Variants in MLLT1 observed in about 807,000 individuals in gnomAD.
MLLT1 encodes protein ENL.
A neutral mutation model predicts 55.1 loss-of-function variants in MLLT1; 11 were observed. That is an observed-to-expected ratio of 0.20 (90% confidence interval 0.13 to 0.33). The LOEUF (loss-of-function observed/expected upper bound fraction) is 0.33, where lower values mean the gene tolerates loss of function less well. MLLT1 is among the 10% of genes least tolerant of loss of function. The pLI is 1.00. For missense variants in MLLT1, 536 were observed against 760.6 expected, an observed-to-expected ratio of 0.70 and a Z score of 3.47; for synonymous variants, 323 against 320.1, an observed-to-expected ratio of 1.01 and a Z score of -0.10.
chr19:6,273,372 C>T lies in MLLT1; in HGVS notation c.13-2613G>A, dbSNP rs1180744355. 1.3e-5 allele frequency among the ~76,000 whole-genome samples: 2 copies of T among 152,132 alleles called. No homozygotes were observed. Among genetic ancestry groups the T allele is most frequent in the Non-Finnish European group, 1.5e-5 (1 of 68,022 alleles). On this transcript the variant is annotated intron_variant, in intron 1 of 11. Transcript: ENST00000252674. This position sits in a 1 kb window ranked among gnomAD's most constrained non-coding sequence, Gnocchi z 4.3. ...AAGATCCGGGCAGCAGGGACATTCA[C>T]GACCCCAGTGTGGGAAGAAAGTGGG...
chr19:6,220,387 T>C (rs946034887), intron 6 of MLLT1, among the ~76,000 whole-genome samples: 34 of 152,218 alleles, frequency 2.2e-4, no homozygotes, highest in African/African-American at 7.7e-4. Context: ...TAAGCCGCAT[T>C]GCTCAAAAGC....
chr19:6,273,265 G>T lies in MLLT1; in HGVS notation c.13-2506C>A, dbSNP rs2091408643. On this transcript the variant is annotated intron_variant, in intron 1 of 11. Transcript: ENST00000252674. The surrounding 1 kb of genome is among the most constrained non-coding windows in gnomAD (Gnocchi z 4.3). ...CAGCCCATGAGGAGGCAACCAGAAG[G>T]AGTGGCTGGAAAAAGGGGTGAACAC... 6.6e-6 allele frequency among the ~76,000 whole-genome samples: 1 copy of T among 152,108 alleles called. No homozygotes were observed. Among genetic ancestry groups the T allele is most frequent in the African/African-American group, 2.4e-5 (1 of 41,402 alleles).
Position 6,226,837 on chromosome 19 carries a change from G to A in MLLT1, c.546+140C>T. 6 of 556,368 alleles carry A rather than the reference G, an allele frequency of 1.1e-5. No homozygotes were observed. Among genetic ancestry groups the A allele is most frequent in the Non-Finnish European group, 1.5e-5 (5 of 332,812 alleles). 34.5% of individuals were successfully genotyped at this position (556,368 alleles called of 1,614,324 possible). ...AGCGGCAGTGCGCAGCGAGGGGTGT[G>A]CAGAGAGCTCAAAGAGGAAGACGCC... On this transcript the variant is annotated intron_variant, in intron 5 of 11. Coordinates refer to ENST00000252674, the MANE Select transcript of MLLT1 (RefSeq NM_005934.4). The surrounding 1 kb of genome is among the most constrained non-coding windows in gnomAD (Gnocchi z 6.3).
chr19:6,222,476 T>C lies in MLLT1; in HGVS notation c.755A>G (p.Lys252Arg), dbSNP rs559328074. The C allele has an allele frequency of 6.9e-6, 11 of 1,591,256 alleles. No homozygotes were observed. Among genetic ancestry groups the C allele is most frequent in the African/African-American group, 4.0e-5 (3 of 74,746 alleles). The change falls in exon 6 of 12, where the codon AAG becomes AGG. Residue 252 changes from lysine to arginine, a missense_variant. Transcript: ENST00000252674. The surrounding 1 kb of genome is among the most constrained non-coding windows in gnomAD (Gnocchi z 4.1). ...CTCTTTCAGGGCCATCTTGGGTTCCTTGAAGGCAGCCTTGGGCGGTGGCGC... is the reference window on the plus strand; with the variant it reads ...CTCTTTCAGGGCCATCTTGGGTTCCCTGAAGGCAGCCTTGGGCGGTGGCGC... ...EKAPPPKAAF[K>R]EPKMALKETK...
At chr19:6,214,225 C>T (rs1056700448) in intron 8 of MLLT1, among the ~76,000 whole-genome samples, 187 bp from the exon 9 acceptor site, 7 of 152,166 alleles carry the variant, frequency 4.6e-5, no homozygotes, top group African/African-American at 1.7e-4. Context: ...AGGAAAGAAC[C>T]CCAAGGAAAC....
intron 4 of MLLT1, among the ~76,000 whole-genome samples, chr19:6,228,472 G>A (rs116851493): frequency 0.018 from 2,704 of 152,162 alleles, 38 homozygotes; most frequent in Middle Eastern, 0.051. Flanking sequence ...GCTCCCCGGC[G>A]GAAACACAGA....
At chr19:6,213,883 G>A in intron 9 of MLLT1, 56 bp downstream of exon 9, 1 of 1,530,046 alleles carries the variant, frequency 6.5e-7, no homozygotes, top group Non-Finnish European at 8.9e-7. Flanking sequence ...GGACAGCCCG[G>A]CCCAGGGCTA....
At position 6,226,420 on chromosome 19, in the gene MLLT1, C is replaced by T. The variant is rs566188389; in HGVS notation, c.546+557G>A. 6.6e-6 allele frequency among the ~76,000 whole-genome samples: 1 copy of T among 152,322 alleles called. No homozygotes were observed. Among genetic ancestry groups the T allele is most frequent in the Non-Finnish European group, 1.5e-5 (1 of 68,026 alleles). The stretch of plus-strand genomic sequence containing the variant: ...AAGCCTCAGAAAGGCCGAGTGCCAC[C>T]CACCTGACCGACTGGGCCGAGATGA... On this transcript the variant is annotated intron_variant, in intron 5 of 11. Coordinates refer to ENST00000252674, the MANE Select transcript of MLLT1 (RefSeq NM_005934.4). The surrounding 1 kb of genome is among the most constrained non-coding windows in gnomAD (Gnocchi z 6.3).
chr19:6,264,359 C>A (rs2091329396), intron 2 of MLLT1, among the ~76,000 whole-genome samples: 2 of 151,630 alleles, frequency 1.3e-5, no homozygotes, highest in South Asian at 2.1e-4. Context: ...GGAAACCAGA[C>A]CCCGAGGAAG....
chr19:6,266,126 A>G (rs2091347310), intron 2 of MLLT1, among the ~76,000 whole-genome samples: 2 of 151,908 alleles, frequency 1.3e-5, no homozygotes, highest in Admixed American at 1.3e-4. Context: ...AAAAAATAAA[A>G]AAGTTAGCTG....
chr19:6,223,216 C>T (rs954487306), intron 5 of MLLT1, among the ~76,000 whole-genome samples: 4 of 152,190 alleles, frequency 2.6e-5, no homozygotes, highest in African/African-American at 9.6e-5. Context: ...CCCAGGACTC[C>T]ACACCCCCAG....
At chr19:6,221,917 G>A (rs896257172) in intron 6 of MLLT1, among the ~76,000 whole-genome samples, 4 of 152,224 alleles carry the variant, frequency 2.6e-5, no homozygotes, top group East Asian at 1.9e-4. Flanking sequence ...GACTCCTCAC[G>A]AGGCAGACTT....
chr19:6,228,671 C>G (rs2090976811), intron 4 of MLLT1, among the ~76,000 whole-genome samples: 3 of 152,138 alleles, frequency 2.0e-5, no homozygotes, highest in Admixed American at 6.5e-5. Context: ...CGGCGGGGGG[C>G]TGGGGTCACC....
chr19:6,233,637 G>A (rs561836958), intron 3 of MLLT1, among the ~76,000 whole-genome samples: 5 of 152,296 alleles, frequency 3.3e-5, no homozygotes, highest in Admixed American at 2.6e-4. Context: ...CTGCCAAAAC[G>A]CGAGAGGTGG....
intron 3 of MLLT1, among the ~76,000 whole-genome samples, chr19:6,257,509 A>C (rs1178085385): frequency 1.3e-5 from 2 of 152,186 alleles, no homozygotes; most frequent in African/African-American, 4.8e-5. Context: ...TAATTCAAAA[A>C]TGGACAACGG....
At chr19:6,272,764 G>C (rs1403518766) in intron 1 of MLLT1, among the ~76,000 whole-genome samples, 1 of 152,208 alleles carries the variant, frequency 6.6e-6, no homozygotes, top group East Asian at 1.9e-4. Context: ...GCTGCTTTTG[G>C]AGACGGCAGG....
Position 6,218,052 on chromosome 19 carries a change from T to C in MLLT1, c.1111-11A>G. The C allele has an allele frequency of 1.2e-6, 2 of 1,601,810 alleles. No homozygotes were observed. Among genetic ancestry groups the C allele is most frequent in the South Asian group, 2.2e-5 (2 of 89,822 alleles). ...GCTTGACTGGGCAGACTTCACCCAATGGTGGGATGGGCAGGGAGGGGAGAA... is the reference window on the plus strand; with the variant it reads ...GCTTGACTGGGCAGACTTCACCCAACGGTGGGATGGGCAGGGAGGGGAGAA... On this transcript the variant is annotated splice_polypyrimidine_tract_variant and intron_variant, in intron 6 of 11. Coordinates refer to ENST00000252674, the MANE Select transcript of MLLT1 (RefSeq NM_005934.4).
In MLLT1 at chr19:6,231,144, G is replaced by C. The variant is rs2091005797; in HGVS notation, c.277-431C>G. Among the ~76,000 whole-genome samples the C allele has an allele frequency of 6.6e-6, 1 of 152,208 alleles. No individual in the cohort carries two copies. The highest frequency in any genetic ancestry group is 1.5e-5 in the Non-Finnish European group (1 of 68,040). On this transcript the variant is annotated intron_variant, in intron 3 of 11. Transcript: ENST00000252674. The surrounding 1 kb of genome is among the most constrained non-coding windows in gnomAD (Gnocchi z 5.1). The stretch of plus-strand genomic sequence containing the variant: ...TTTGCAGCCAGGGCCAAGCCCGACA[G>C]ACGCAGGACACAGGACACAGACTCA...
Position 6,211,214 on chromosome 19 carries a change from G to A in MLLT1, c.*1828C>T, listed in dbSNP as rs1212608692. ...GTCCAATGTCTTAGTTTCCAGAGAA[G>A]AAAGGAAGCGCCCCATGGTGGAGTA... On this transcript the variant is annotated 3_prime_UTR_variant, in exon 12 of 12. Transcript: ENST00000252674. The surrounding 1 kb of genome is among the most constrained non-coding windows in gnomAD (Gnocchi z 4.6). The A allele has an allele frequency of 1.7e-5, 4 of 232,576 alleles. No homozygotes were observed. Among genetic ancestry groups the A allele is most frequent in the Non-Finnish European group, 2.5e-5 (3 of 117,766 alleles). The allele number at this position is 232,576 out of a possible 1,614,324, so 14.4% of individuals were successfully genotyped here. A position where few individuals can be genotyped will look rare whatever the true frequency, so the allele number is the denominator to read the frequency against.
Sources: gnomAD v4.1 joint callset for allele counts (sites outside exome capture counted in the v4.1 genomes callset) on GRCh38, gnomAD v4.1.1 for gene constraint, Gnocchi (gnomAD v3.1) non-coding constraint, MANE v1.5 for transcripts, NCBI Gene and HGNC (gene_info 2026-07-23, HGNC 2026-07-21) for gene names.